Variants in RAPGEF4 observed in about 807,000 individuals in gnomAD.
RAPGEF4 encodes Rap guanine nucleotide exchange factor 4.
Under a neutral mutation model 147.9 loss-of-function variants are expected in RAPGEF4, and 66 were observed. The observed-to-expected ratio is 0.45, with a 90% CI of 0.37 to 0.55. The LOEUF (loss-of-function observed/expected upper bound fraction) is 0.55, where lower values mean the gene tolerates loss of function less well. RAPGEF4 is among the 20% of genes least tolerant of loss of function. The pLI is 0.00. For missense variants in RAPGEF4, 1,071 were observed against 1,257.3 expected (o/e 0.85, Z 2.24); for synonymous variants, 419 against 442.7 (o/e 0.95, Z 0.67).
chr2:172,836,363 A>T (rs1297765569), intron 4 of RAPGEF4, among the ~76,000 whole-genome samples: 1 of 152,204 alleles, frequency 6.6e-6, no homozygotes, highest in Non-Finnish European at 1.5e-5. Flanking sequence ...TAAAGGTGTG[A>T]TGCCTTTGGC....
intron 8 of RAPGEF4, among the ~76,000 whole-genome samples, chr2:172,964,401 A>ATTTT (rs11374637): frequency 0.01 from 1,205 of 115,134 alleles, 40 homozygotes; most frequent in East Asian, 0.028. Context: ...TGCTCCTCCT[A>ATTTT]TTTTTTTTTT....
At chr2:172,989,374 A>G (rs1312564778) in intron 14 of RAPGEF4, among the ~76,000 whole-genome samples, 2 of 152,204 alleles carry the variant, frequency 1.3e-5, no homozygotes, top group Non-Finnish European at 1.5e-5. Flanking sequence ...ACTCCAACCA[A>G]GTATTTTCAT....
intron 1 of RAPGEF4, among the ~76,000 whole-genome samples, chr2:172,767,697 C>G (rs943379105): frequency 2.0e-5 from 3 of 152,130 alleles, no homozygotes; most frequent in South Asian, 2.1e-4. Context: ...AATAAGGATC[C>G]ATATGCTTTT....
rs190007594 is a variant in RAPGEF4, at chr2:172,760,517, G to A, written c.65+24469G>A. Reference sequence around the variant, plus strand: ...GTGGATCACAAGGTCAGGAGATCGAGACCATCCTGGCTAACATGGTGAAAC... The same window carrying A: ...GTGGATCACAAGGTCAGGAGATCGAAACCATCCTGGCTAACATGGTGAAAC... On this transcript the variant is annotated intron_variant, in intron 1 of 30. Coordinates refer to ENST00000397081, the MANE Select transcript of RAPGEF4 (RefSeq NM_007023.4). Among the ~76,000 whole-genome samples, 114 of 152,246 alleles carry A rather than the reference G, an allele frequency of 7.5e-4. No individual in the cohort carries two copies. In the East Asian group the frequency reaches 0.02, roughly 27 times the overall value.
intron 4 of RAPGEF4, among the ~76,000 whole-genome samples, chr2:172,828,392 A>G (rs1019832383): frequency 2.0e-5 from 3 of 152,202 alleles, no homozygotes; most frequent in Non-Finnish European, 4.4e-5. Flanking sequence ...ACAGCCCCTC[A>G]GTGTGAGGGA....
chr2:173,005,520 G>GTTTTTTTTTTTTTTTTTTTTTTTT (rs573596077), intron 17 of RAPGEF4, among the ~76,000 whole-genome samples: 5 of 86,718 alleles, frequency 5.8e-5, no homozygotes, highest in African/African-American at 9.2e-5. Context: ...GTTGTTTTGT[G>GTTTTTTTTTTTTTTTTTTTTTTTT]TTTTTTTTTT....
chr2:172,929,040 A>T (rs1685656540), intron 6 of RAPGEF4, among the ~76,000 whole-genome samples: 1 of 152,216 alleles, frequency 6.6e-6, no homozygotes, highest in Non-Finnish European at 1.5e-5. Flanking sequence ...TACTGAAGGC[A>T]ATTATCGTCA....
intron 15 of RAPGEF4, among the ~76,000 whole-genome samples, chr2:172,992,410 C>T (rs1692924110): frequency 6.6e-6 from 1 of 152,132 alleles, no homozygotes; most frequent in Non-Finnish European, 1.5e-5. Context: ...CCCTTAAATA[C>T]CTGGTGTTTT....
chr2:172,816,398 T>C (rs1269033378), intron 4 of RAPGEF4, among the ~76,000 whole-genome samples: 1 of 152,108 alleles, frequency 6.6e-6, no homozygotes, highest in African/African-American at 2.4e-5. Flanking sequence ...TCATGGTATC[T>C]TTTTTTGCAC....
chr2:172,748,963 G>A (rs1695017490), intron 1 of RAPGEF4, among the ~76,000 whole-genome samples: 2 of 152,232 alleles, frequency 1.3e-5, no homozygotes, highest in African/African-American at 4.8e-5. Context: ...GACTCCAAAT[G>A]ATCTCTGTTG....
At chr2:172,865,654 C>G (rs1694553262) in intron 4 of RAPGEF4, among the ~76,000 whole-genome samples, 1 of 152,040 alleles carries the variant, frequency 6.6e-6, no homozygotes, top group African/African-American at 2.4e-5. Flanking sequence ...CCTTCTTACC[C>G]TGGCCTGCCT....
At chr2:172,930,391 C>G (rs1391151793) in intron 6 of RAPGEF4, among the ~76,000 whole-genome samples, 1 of 152,152 alleles carries the variant, frequency 6.6e-6, no homozygotes, top group Non-Finnish European at 1.5e-5. Flanking sequence ...TTTTACTTCT[C>G]AAAATCATGC....
chr2:172,867,409 G>A (rs911450877), intron 4 of RAPGEF4, among the ~76,000 whole-genome samples: 1 of 152,110 alleles, frequency 6.6e-6, no homozygotes, highest in Non-Finnish European at 1.5e-5. Flanking sequence ...TGATCTCATA[G>A]GGTCAATGAG....
At chr2:172,739,672 A>G (rs1694136634) in intron 1 of RAPGEF4, among the ~76,000 whole-genome samples, 1 of 152,162 alleles carries the variant, frequency 6.6e-6, no homozygotes, top group Non-Finnish European at 1.5e-5. Context: ...CACCCGGCCC[A>G]TTGTTTAATT....
chr2:172,988,611 C>G, intron 13 of RAPGEF4, 82 bp from the exon 14 acceptor site: 1 of 1,450,800 alleles, frequency 6.9e-7, no homozygotes, highest in South Asian at 1.2e-5. Flanking sequence ...GTTTTAGGGG[C>G]TTGGGGGTCT....
At chr2:172,983,379 ATCT>A in intron 10 of RAPGEF4, 114 bp from the exon 11 acceptor site, 3 of 1,492,488 alleles carry the variant, frequency 2.0e-6, no homozygotes, top group East Asian at 2.3e-5. Flanking sequence ...CTCCGCCAAT[ATCT>A]TCTTGTGCAG....
intron 6 of RAPGEF4, 71 bp downstream of exon 6, chr2:172,922,371 C>G: frequency 7.1e-7 from 1 of 1,410,450 alleles, no homozygotes; most frequent in Admixed American, 1.7e-5. Flanking sequence ...GGTAACCCTA[C>G]CAACAAAGAG....
chr2:173,017,416 G>A lies in RAPGEF4; in HGVS notation c.1930-10G>A, dbSNP rs768990673. ...GTCCCTTATGGCACTTGCTGTGGTT[G>A]TTTTTACAGCACAAGGTTCTTTTGC... is the stretch of plus-strand genomic sequence containing the variant. On this transcript the variant is annotated splice_polypyrimidine_tract_variant and intron_variant, in intron 20 of 30. Transcript: ENST00000397081. The A allele has an allele frequency of 9.3e-6, 15 of 1,613,074 alleles. No homozygotes were observed. In the African/African-American group the frequency reaches 1.6e-4, roughly 17 times the overall value.
At chr2:172,839,925 A>G (rs17705978) in intron 4 of RAPGEF4, among the ~76,000 whole-genome samples, 7,184 of 152,308 alleles carry the variant, frequency 0.047, 219 homozygotes, top group Middle Eastern at 0.088. Flanking sequence ...CAGAGTATCA[A>G]TATAAAAGTT....
Sources: gnomAD v4.1 joint callset for allele counts (sites outside exome capture counted in the v4.1 genomes callset) on GRCh38, gnomAD v4.1.1 for gene constraint, MANE v1.5 for transcripts, NCBI Gene and HGNC (gene_info 2026-07-23, HGNC 2026-07-21) for gene names.